The following HFM1 variants were observed in gnomAD, a reference collection of about 807,000 sequenced individuals.
HFM1 encodes probable ATP-dependent DNA helicase HFM1.
Under a neutral mutation model 192.1 loss-of-function variants are expected in HFM1, and 169 were observed. The ratio of observed to expected loss-of-function variants is 0.88; its 90% CI spans 0.78 to 1.00. HFM1 has a LOEUF of 1.00. Among genes scored for constraint, HFM1 ranks in the 50% least tolerant of loss-of-function variants. The pLI, the probability that HFM1 is intolerant of heterozygous loss-of-function variation, is 0.00. For synonymous variants in HFM1, 525 were observed against 537.8 expected, an observed-to-expected ratio of 0.98 and a Z score of 0.33; for missense variants, 1,661 against 1,668.0, an observed-to-expected ratio of 1.00 and a Z score of 0.07.
Position 91,394,148 on chromosome 1 carries a change from T to C in HFM1, c.439A>G (p.Lys147Glu), listed in dbSNP as rs775415478. The change falls in exon 4 of 39, where the codon AAA becomes GAA. Residue 147 changes from lysine (K) to glutamate (E), a missense_variant. Transcript: ENST00000370425. ...TTATCTTCTGCAAAATTAACTAATT[T>C]TGTATCATCAGGAACACTCTTCTCA... ...APEKSVPDDT[K>E]LVNFAEDKGE... 5 of 1,607,922 alleles carry C rather than the reference T, an allele frequency of 3.1e-6. No individual in the cohort carries two copies. Among genetic ancestry groups the C allele is most frequent in the East Asian group, 2.2e-5 (1 of 44,730 alleles).
At chr1:91,344,594 T>C (rs1655855527) in intron 19 of HFM1, among the ~76,000 whole-genome samples, 2 of 152,122 alleles carry the variant, frequency 1.3e-5, no homozygotes, top group African/African-American at 4.8e-5. Context: ...GCAATTAACA[T>C]ACAAATAAAT....
intron 30 of HFM1, among the ~76,000 whole-genome samples, chr1:91,309,541 G>T (rs1650132882): frequency 6.6e-6 from 1 of 152,150 alleles, no homozygotes; most frequent in Admixed American, 6.5e-5. Flanking sequence ...GTCTAAGATA[G>T]TAAGATACAG....
chr1:91,319,244 A>G (rs773417975), intron 24 of HFM1, 35 bp from the exon 25 acceptor site: 16 of 1,604,922 alleles, frequency 1.0e-5, no homozygotes, highest in Non-Finnish European at 1.3e-5. Flanking sequence ...AATCTAATAT[A>G]CCAGTTTATT....
intron 1 of HFM1, 27 bp downstream of exon 1, chr1:91,404,771 C>G (rs1436374252): frequency 2.3e-6 from 1 of 442,774 alleles, no homozygotes; most frequent in Middle Eastern, 3.3e-4. Context: ...CCACCTTCCC[C>G]GCGGGCGTCC....
chr1:91,374,008 A>G (rs1660591541), intron 13 of HFM1, among the ~76,000 whole-genome samples: 1 of 152,170 alleles, frequency 6.6e-6, no homozygotes, highest in Non-Finnish European at 1.5e-5. Flanking sequence ...TATGAAATCA[A>G]GTACAGGTTG....
intron 30 of HFM1, among the ~76,000 whole-genome samples, chr1:91,292,844 C>T (rs1668937291): frequency 6.6e-6 from 1 of 151,952 alleles, no homozygotes; most frequent in Non-Finnish European, 1.5e-5. Flanking sequence ...GGTACTGGTA[C>T]CAAAACAGAG....
At chr1:91,382,095 A>C (rs1661617588) in intron 6 of HFM1, among the ~76,000 whole-genome samples, 1 of 152,092 alleles carries the variant, frequency 6.6e-6, no homozygotes, top group Admixed American at 6.6e-5. Context: ...TGTTCTTCAA[A>C]AACATCAGCT....
chr1:91,277,158 CAA>C, intron 30 of HFM1, 96 bp from the exon 31 acceptor site: 1 of 618,890 alleles, frequency 1.6e-6, no homozygotes, highest in East Asian at 3.3e-5. Flanking sequence ...TCCTTTCAGA[CAA>C]TACAAAAATA....
chr1:91,336,324 C>T (rs993664363), intron 20 of HFM1, among the ~76,000 whole-genome samples: 1 of 150,088 alleles, frequency 6.7e-6, no homozygotes, highest in Non-Finnish European at 1.5e-5. Context: ...ATCCTTCCTT[C>T]CTCTCATACT....
At chr1:91,287,402 C>T (rs1321903140) in intron 30 of HFM1, among the ~76,000 whole-genome samples, 1 of 152,064 alleles carries the variant, frequency 6.6e-6, no homozygotes, top group Admixed American at 6.5e-5. Context: ...CAGGGGCAGA[C>T]TGACACCTCA....
At position 91,267,555 on chromosome 1, in the gene HFM1, T is replaced by C. The variant is rs186118392; in HGVS notation, c.3883+190A>G. ...CATCATGGAATAACCTTGATCTCTG[T>C]TCTTAGGGGGGAAATGTTCTTTGTA... is the stretch of plus-strand genomic sequence containing the variant. On this transcript the variant is annotated intron_variant, in intron 35 of 38. Coordinates refer to ENST00000370425, the MANE Select transcript of HFM1 (RefSeq NM_001017975.6). Among the ~76,000 whole-genome samples the C allele has an allele frequency of 2.2e-3, 333 of 152,114 alleles. 1 individual carries two copies. The highest frequency in any genetic ancestry group is 0.014 in the Middle Eastern group (4 of 294).
rs1257391668 is a variant in HFM1 at position 91,375,339 on chromosome 1, A to G, written c.1685+19T>C. On this transcript the variant is annotated intron_variant, in intron 13 of 38. Coordinates refer to ENST00000370425, the MANE Select transcript of HFM1 (RefSeq NM_001017975.6). ...CCCTAAAAGTCCTTCTACTTCCATGAAAAAATAAAATACTATACCTCTGTT... is the reference window on the plus strand; with the variant it reads ...CCCTAAAAGTCCTTCTACTTCCATGGAAAAATAAAATACTATACCTCTGTT... The G allele has an allele frequency of 6.3e-7, 1 of 1,580,610 alleles. No homozygotes were observed. Among genetic ancestry groups the G allele is most frequent in the South Asian group, 1.1e-5 (1 of 89,006 alleles).
chr1:91,329,774 A>G (rs281974), intron 20 of HFM1, among the ~76,000 whole-genome samples: 152,180 of 152,364 alleles, frequency 1, 75,998 homozygotes, highest in Non-Finnish European at 1. Context: ...TGGATGGACA[A>G]TAAGTCCATT....
chr1:91,338,252 C>T (rs1388842703), intron 20 of HFM1, among the ~76,000 whole-genome samples: 1 of 152,188 alleles, frequency 6.6e-6, no homozygotes, highest in Non-Finnish European at 1.5e-5. Flanking sequence ...GGGTTTGGCA[C>T]AGGAATGGCT....
chr1:91,333,808 G>A (rs1488419925), intron 20 of HFM1, among the ~76,000 whole-genome samples: 1 of 152,016 alleles, frequency 6.6e-6, no homozygotes, highest in Non-Finnish European at 1.5e-5. Flanking sequence ...TGCCTGTAAT[G>A]CCACCAGGCA....
At chr1:91,300,065 G>A (rs1282632938) in intron 30 of HFM1, among the ~76,000 whole-genome samples, 1 of 151,790 alleles carries the variant, frequency 6.6e-6, no homozygotes, top group Non-Finnish European at 1.5e-5. Context: ...AAAGAGAGAA[G>A]AATCAAATAG....
intron 30 of HFM1, among the ~76,000 whole-genome samples, chr1:91,290,689 C>A (rs1444646502): frequency 6.6e-6 from 1 of 152,136 alleles, no homozygotes; most frequent in Admixed American, 6.5e-5. Context: ...CTCAGCTCTG[C>A]ACCAACCGGA....
chr1:91,272,660 C>T (rs1213511336), intron 34 of HFM1, among the ~76,000 whole-genome samples: 3 of 151,908 alleles, frequency 2.0e-5, no homozygotes, highest in Admixed American at 2.0e-4. Context: ...TTTTATACTT[C>T]CTATCCGCTT....
chr1:91,368,570 C>G (rs560809621), intron 13 of HFM1, among the ~76,000 whole-genome samples: 237 of 152,196 alleles, frequency 1.6e-3, no homozygotes, highest in African/African-American at 5.1e-3. Context: ...TCACCACCAG[C>G]CCTGCCCTAA....
Sources: allele counts gnomAD v4.1 joint callset (sites outside exome capture counted in the v4.1 genomes callset), GRCh38; gene constraint gnomAD v4.1.1; transcripts MANE v1.5; gene names NCBI Gene and HGNC (gene_info 2026-07-23, HGNC 2026-07-21).